Variants in HACD4 observed in about 807,000 individuals in gnomAD.
HACD4 encodes 3-hydroxyacyl-CoA dehydratase 4, also known as very-long-chain (3R)-3-hydroxyacyl-CoA dehydratase 4.
Under a neutral mutation model 33.3 loss-of-function variants are expected in HACD4, and 35 were observed. The ratio of observed to expected loss-of-function variants is 1.05; its 90% CI spans 0.80 to 1.39. The LOEUF (loss-of-function observed/expected upper bound fraction) is 1.39. HACD4 is among the 40% of genes most tolerant of loss of function. The pLI, the probability that HACD4 is intolerant of heterozygous loss-of-function variation, is 0.00. For missense variants in HACD4, 323 were observed against 276.5 expected (o/e 1.17, Z -1.19); for synonymous variants, 118 against 98.0 (o/e 1.20, Z -1.21).
At chr9:21,021,466 A>G (rs1407694430) in intron 3 of HACD4, among the ~76,000 whole-genome samples, 1 of 152,194 alleles carries the variant, frequency 6.6e-6, no homozygotes, top group Non-Finnish European at 1.5e-5. Flanking sequence ...ACATGATTGT[A>G]TATTTAGAAA....
rs1327821744 is a variant in HACD4, at chr9:21,006,329, A to G, written c.*708T>C. ...TCTCTCTCTCATGTGAGGACAAAGAAGGACATCTATCTGCAAACTGGGAAG... is the reference window on the plus strand; with the variant it reads ...TCTCTCTCTCATGTGAGGACAAAGAGGGACATCTATCTGCAAACTGGGAAG... On this transcript the variant is annotated 3_prime_UTR_variant, in exon 7 of 7. Transcript: ENST00000495827. This position sits in a 1 kb window ranked among gnomAD's most constrained non-coding sequence, Gnocchi z 4.6. 1 of 152,800 alleles carries G rather than the reference A, an allele frequency of 6.5e-6. No homozygotes were observed. The highest frequency in any genetic ancestry group is 2.4e-5 in the African/African-American group (1 of 41,450). 9.5% of individuals were successfully genotyped at this position (152,800 alleles called of 1,614,324 possible). A position where few individuals can be genotyped will look rare whatever the true frequency, so the allele number is the denominator to read the frequency against.
At chr9:21,028,135 C>CAAA (rs71334571) in intron 2 of HACD4, among the ~76,000 whole-genome samples, 4 of 93,404 alleles carry the variant, frequency 4.3e-5, no homozygotes, top group Non-Finnish European at 6.2e-5. Flanking sequence ...AACTCCATCT[C>CAAA]AAAAAAAAAA....
chr9:21,019,788 T>C (rs912029740), intron 3 of HACD4, among the ~76,000 whole-genome samples: 1 of 152,116 alleles, frequency 6.6e-6, no homozygotes, highest in African/African-American at 2.4e-5. Flanking sequence ...CTGTCTTTTA[T>C]AGTTTCTTCT....
intron 3 of HACD4, among the ~76,000 whole-genome samples, chr9:21,022,610 A>G (rs1215882114): frequency 7.3e-6 from 1 of 137,488 alleles, no homozygotes; most frequent in Non-Finnish European, 1.6e-5. Flanking sequence ...CAACAGACAC[A>G]TGAAAAAATG....
intron 4 of HACD4, among the ~76,000 whole-genome samples, chr9:21,014,769 A>C (rs1201145798): frequency 1.3e-5 from 2 of 152,224 alleles, no homozygotes; most frequent in Non-Finnish European, 2.9e-5. Context: ...GCCCAACATC[A>C]CTTAGCAAGT....
chr9:21,016,110 T>C (rs1842549985), intron 3 of HACD4, 100 bp from the exon 4 acceptor site: 1 of 718,152 alleles, frequency 1.4e-6, no homozygotes, highest in African/African-American at 1.8e-5. Flanking sequence ...AAGTATACTT[T>C]AGCTGGAAAT....
chr9:21,016,044 C>A, intron 3 of HACD4, 34 bp from the exon 4 acceptor site: 1 of 1,420,008 alleles, frequency 7.0e-7, no homozygotes, highest in South Asian at 1.2e-5. Context: ...GAAATTAGGA[C>A]ATCTATTAGG....
At chr9:21,029,165 G>A (rs1818140405) in intron 2 of HACD4, 130 bp downstream of exon 2, 1 of 586,300 alleles carries the variant, frequency 1.7e-6, no homozygotes, top group South Asian at 2.2e-5. Context: ...CAATAAACAT[G>A]GTTGCTAAAA....
At chr9:21,010,456 A>ATCT (rs1353043927) in intron 5 of HACD4, among the ~76,000 whole-genome samples, 1 of 105,004 alleles carries the variant, frequency 9.5e-6, no homozygotes, top group Admixed American at 9.4e-5. Flanking sequence ...ACATCCTGGT[A>ATCT]CCCCCCCCCC....
chr9:21,029,445 C>T (rs760210381), intron 1 of HACD4, 47 bp from the exon 2 acceptor site: 4 of 1,196,656 alleles, frequency 3.3e-6, no homozygotes, highest in Middle Eastern at 1.9e-4. Flanking sequence ...TATAATCATC[C>T]TTTCATCACT....
intron 3 of HACD4, 99 bp from the exon 4 acceptor site, chr9:21,016,109 T>C: frequency 1.3e-6 from 1 of 741,036 alleles, no homozygotes; most frequent in Non-Finnish European, 2.3e-6. Flanking sequence ...AAAGTATACT[T>C]TAGCTGGAAA....
In HACD4 at chr9:21,006,424, T is replaced by G. The variant is rs1014613526; in HGVS notation, c.*613A>C. The G allele has an allele frequency of 6.5e-6, 1 of 153,238 alleles. No homozygotes were observed. The highest frequency in any genetic ancestry group is 2.4e-5 in the African/African-American group (1 of 41,570). 9.5% of individuals were successfully genotyped at this position (153,238 alleles called of 1,614,324 possible). ...GCGGAATTCCCAGCCTCCAGAACTG[T>G]GAGAAGCGTTTGCTGTTGTTTAAGC... On this transcript the variant is annotated 3_prime_UTR_variant, in exon 7 of 7. Coordinates refer to ENST00000495827, the MANE Select transcript of HACD4 (RefSeq NM_001010915.5). The surrounding 1 kb of genome is among the most constrained non-coding windows in gnomAD (Gnocchi z 4.6).
chr9:21,013,292 T>TC (rs1225546594), intron 4 of HACD4, among the ~76,000 whole-genome samples: 1 of 152,130 alleles, frequency 6.6e-6, no homozygotes, highest in Non-Finnish European at 1.5e-5. Flanking sequence ...GACTATTCTT[T>TC]CCCCATTGAA....
chr9:21,018,502 A>T lies in HACD4; in HGVS notation c.271-2492T>A, dbSNP rs10811450. Among the ~76,000 whole-genome samples, 376 of 152,292 alleles carry T rather than the reference A, an allele frequency of 2.5e-3. 3 individuals are homozygous for T. The highest frequency in any genetic ancestry group is 3.5e-3 in the Non-Finnish European group (241 of 68,010). On this transcript the variant is annotated intron_variant, in intron 3 of 6. Coordinates refer to ENST00000495827, the MANE Select transcript of HACD4 (RefSeq NM_001010915.5). ...TTCTCCTTAAAAATTAAGCCTTAAA[A>T]CAAGAGCCTCCTTGATTTTCTTAAC...
At position 21,003,387 on chromosome 9, in the gene HACD4, T is replaced by A. The variant is rs1171083903; in HGVS notation, c.*3650A>T. On this transcript the variant is annotated 3_prime_UTR_variant, in exon 7 of 7. Coordinates refer to ENST00000495827, the MANE Select transcript of HACD4 (RefSeq NM_001010915.5). The stretch of plus-strand genomic sequence containing the variant: ...CGGCAGTGTAAGGAGCCATCTTTAT[T>A]TGGAGTGATTAAGATTAACTCACCT... 3.3e-5 allele frequency: 5 copies of A among 152,094 alleles called. No individual in the cohort carries two copies. Among genetic ancestry groups the A allele is most frequent in the Admixed American group, 6.6e-5 (1 of 15,248 alleles). 9.4% of individuals were successfully genotyped at this position (152,094 alleles called of 1,614,324 possible).
chr9:21,010,794 G>A (rs1003212233), intron 5 of HACD4, among the ~76,000 whole-genome samples: 2 of 152,070 alleles, frequency 1.3e-5, no homozygotes, highest in African/African-American at 4.8e-5. Flanking sequence ...TGGGGGTGAT[G>A]GGAGACAGTG....
At chr9:21,026,759 G>A in intron 2 of HACD4, 36 bp from the exon 3 acceptor site, 1 of 1,582,488 alleles carries the variant, frequency 6.3e-7, no homozygotes, top group Non-Finnish European at 8.6e-7. Context: ...GATATAGGAA[G>A]AAAAAACTGG....
At chr9:21,030,483 C>CA (rs761055190) in intron 1 of HACD4, among the ~76,000 whole-genome samples, 1 of 152,012 alleles carries the variant, frequency 6.6e-6, no homozygotes. Context: ...ACAACAACAA[C>CA]AAAAAATCCA....
intron 4 of HACD4, among the ~76,000 whole-genome samples, chr9:21,011,973 T>G (rs192020230): frequency 6.6e-6 from 1 of 152,326 alleles, no homozygotes; most frequent in African/African-American, 2.4e-5. Context: ...TTTCCTTGAT[T>G]AGTGACTTCA....
Sources: gnomAD v4.1 joint callset for allele counts (sites outside exome capture counted in the v4.1 genomes callset) on GRCh38, gnomAD v4.1.1 for gene constraint, Gnocchi (gnomAD v3.1) non-coding constraint, MANE v1.5 for transcripts, NCBI Gene and HGNC (gene_info 2026-07-23, HGNC 2026-07-21) for gene names.